Variants in SUPT6H observed in about 807,000 individuals in gnomAD.
SUPT6H encodes transcription elongation factor SPT6.
In SUPT6H, 11 loss-of-function variants were observed where a neutral mutation model predicts 222.3. The observed-to-expected ratio is 0.05, with a 90% confidence interval of 0.03 to 0.08. The LOEUF (loss-of-function observed/expected upper bound fraction) is 0.08. Among genes scored for constraint, SUPT6H ranks in the 10% least tolerant of loss-of-function variants. The pLI, the probability that SUPT6H is intolerant of heterozygous loss-of-function variation, is 1.00. For missense variants in SUPT6H, 1,422 were observed against 2,216.0 expected, an observed-to-expected ratio of 0.64 and a Z score of 7.19; for synonymous variants, 762 against 801.2, an observed-to-expected ratio of 0.95 and a Z score of 0.83.
At chr17:28,695,228 G>A in intron 28 of SUPT6H, 124 bp from the exon 29 acceptor site, 1 of 983,126 alleles carries the variant, frequency 1.0e-6, no homozygotes, top group Non-Finnish European at 1.5e-6. Context: ...CAGCTGGCTG[G>A]CTTTGGGCAA....
intron 28 of SUPT6H, 167 bp from the exon 29 acceptor site, chr17:28,695,185 G>C (rs192490504): frequency 2.5e-5 from 17 of 666,952 alleles, no homozygotes; most frequent in Non-Finnish European, 2.5e-6. Flanking sequence ...CTACAGACAA[G>C]ATTCCACCCC....
intron 10 of SUPT6H, 77 bp downstream of exon 10, chr17:28,678,711 C>G (rs375667299): frequency 6.2e-7 from 1 of 1,608,144 alleles, no homozygotes; most frequent in African/African-American, 1.3e-5. Flanking sequence ...CAAACCCAAA[C>G]CCCCCAGGCC....
chr17:28,680,018 AAGG>A (rs2031006802), intron 11 of SUPT6H, among the ~76,000 whole-genome samples: 1 of 145,210 alleles, frequency 6.9e-6, no homozygotes, highest in Non-Finnish European at 1.5e-5. Flanking sequence ...AAGAAAGAAA[AAGG>A]AGGCCAGGCG....
Position 28,702,137 on chromosome 17 carries a change from G to C in SUPT6H, c.*512G>C, listed in dbSNP as rs563163493. On this transcript the variant is annotated 3_prime_UTR_variant, in exon 37 of 37. Coordinates refer to ENST00000314616, the MANE Select transcript of SUPT6H (RefSeq NM_003170.5). ...TCCAAGCAGGATTGCAGGGGACACAGGGAAGCACTGCCCAGCCCCTGCCTG... is the reference window on the plus strand; with the variant it reads ...TCCAAGCAGGATTGCAGGGGACACACGGAAGCACTGCCCAGCCCCTGCCTG... 6.5e-6 allele frequency: 1 copy of C among 154,134 alleles called. No homozygotes were observed. Among genetic ancestry groups the C allele is most frequent in the South Asian group, 2.0e-4 (1 of 4,882 alleles). The allele number at this position is 154,134 out of a possible 1,614,324, so 9.5% of individuals were successfully genotyped here. A position where few individuals can be genotyped will look rare whatever the true frequency, so the allele number is the denominator to read the frequency against.
rs763042151 is a variant in SUPT6H at position 28,678,970 on chromosome 17, C to T, written c.1349+7C>T. On this transcript the variant is annotated splice_region_variant and intron_variant, in intron 11 of 36. Transcript: ENST00000314616. Reference sequence around the variant, plus strand: ...ACACCACTGACATGGAGAGGTAAAACATGCGGTGTTTATTCCATTATGGGA... The same window carrying T: ...ACACCACTGACATGGAGAGGTAAAATATGCGGTGTTTATTCCATTATGGGA... 3.1e-6 allele frequency: 5 copies of T among 1,614,042 alleles called. No homozygotes were observed. The East Asian group carries it at 6.7e-5, about 22-fold the overall frequency.
At position 28,690,986 on chromosome 17, in the gene SUPT6H, C is replaced by G; in HGVS notation, c.3556C>G (p.Gln1186Glu). 1 of 1,614,134 alleles carries G rather than the reference C, an allele frequency of 6.2e-7. No homozygotes were observed. Among genetic ancestry groups the G allele is most frequent in the Non-Finnish European group, 8.5e-7 (1 of 1,180,024 alleles). Reference sequence around the variant, plus strand: ...GCGTCCCCAGGGTGAGAGCTATGACCAGGCGATCCGCAATGATGAGACAGG... The same window carrying G: ...GCGTCCCCAGGGTGAGAGCTATGACGAGGCGATCCGCAATGATGAGACAGG... ...HRRPQGESYDQAIRNDETGLW... is the reference protein window; with the variant it reads ...HRRPQGESYDEAIRNDETGLW... The change falls in exon 27 of 37, where the codon CAG becomes GAG. Residue 1186 changes from glutamine (Q) to glutamate (E), a missense_variant. Transcript: ENST00000314616.
Position 28,683,442 on chromosome 17 carries a change from G to A in SUPT6H, c.2033+20G>A. 6.2e-7 allele frequency: 1 copy of A among 1,613,220 alleles called. No homozygotes were observed. The highest frequency in any genetic ancestry group is 1.1e-5 in the South Asian group (1 of 90,992). ...GGAAGGGTAAGCAGAGCCCTGGGCT[G>A]GCGACTCTCTGGGGAAGGCCTGATG... On this transcript the variant is annotated intron_variant, in intron 16 of 36. Coordinates refer to ENST00000314616, the MANE Select transcript of SUPT6H (RefSeq NM_003170.5).
Position 28,678,457 on chromosome 17 carries a change from G to C in SUPT6H, c.1117-88G>C, listed in dbSNP as rs1456005030. The C allele has an allele frequency of 2.7e-5, 36 of 1,321,898 alleles. No individual in the cohort carries two copies. In the Admixed American group the frequency reaches 6.2e-4, roughly 23 times the overall value. 81.9% of individuals were successfully genotyped at this position (1,321,898 alleles called of 1,614,324 possible). ...TCTGACTGTTGAATTTCCTGGAGCT[G>C]TTTCTCCAGGAAGTCATTATCTACT... On this transcript the variant is annotated intron_variant, in intron 9 of 36. Transcript: ENST00000314616.
At chr17:28,680,581 G>A (rs1055890891) in intron 11 of SUPT6H, among the ~76,000 whole-genome samples, 1 of 152,212 alleles carries the variant, frequency 6.6e-6, no homozygotes, top group Non-Finnish European at 1.5e-5. Flanking sequence ...GGTGACAAGA[G>A]CAAGACTCCA....
Position 28,687,072 on chromosome 17 carries a change from C to G in SUPT6H, c.2701-16C>G, listed in dbSNP as rs767639352. The G allele has an allele frequency of 8.1e-6, 13 of 1,611,292 alleles. No homozygotes were observed. In the East Asian group the frequency reaches 2.9e-4, roughly 36 times the overall value. On this transcript the variant is annotated splice_polypyrimidine_tract_variant and intron_variant, in intron 21 of 36. Coordinates refer to ENST00000314616, the MANE Select transcript of SUPT6H (RefSeq NM_003170.5). ...AAGGGGATTTTAAGGCCCTGCTGAC[C>G]CTCGTTTGACTCTAGGCAGAGTTCC...
intron 13 of SUPT6H, among the ~76,000 whole-genome samples, chr17:28,682,425 G>A (rs2031161425): frequency 6.6e-6 from 1 of 152,034 alleles, no homozygotes; most frequent in African/African-American, 2.4e-5. Flanking sequence ...AGGATTTGGA[G>A]GCCAGCCTGG....
intron 4 of SUPT6H, 63 bp from the exon 5 acceptor site, chr17:28,674,907 G>A (rs910759456): frequency 1.3e-6 from 2 of 1,553,924 alleles, no homozygotes; most frequent in African/African-American, 2.7e-5. Context: ...AGTGAGACTG[G>A]AGATTTGGTA....
At chr17:28,700,648 G>C in intron 35 of SUPT6H, 136 bp downstream of exon 35, 1 of 1,234,954 alleles carries the variant, frequency 8.1e-7, no homozygotes, top group African/African-American at 1.5e-5. Flanking sequence ...GATATTTCTT[G>C]TCCTTAGGCC....
Position 28,684,688 on chromosome 17 carries a change from G to A in SUPT6H, c.2332G>A (p.Gly778Ser), listed in dbSNP as rs923207383. The change falls in exon 18 of 37, where the codon GGC becomes AGC. Residue 778 changes from glycine to serine, a missense_variant. Physicochemically the swap from Gly to Ser is moderately conservative, Grantham distance 56. Coordinates refer to ENST00000314616, the MANE Select transcript of SUPT6H (RefSeq NM_003170.5). ...CTTTATGGACGAGAACCAAGGGAAG[G>A]GCATTCGAGTCCTCGGCATTGCTTT... is the stretch of plus-strand genomic sequence containing the variant. ...DDFMDENQGKGIRVLGIAFSS... is the reference protein window; with the variant it reads ...DDFMDENQGKSIRVLGIAFSS... 12 of 1,614,048 alleles carry A rather than the reference G, an allele frequency of 7.4e-6. No homozygotes were observed. In the Admixed American group the frequency reaches 1.7e-4, roughly 22 times the overall value.
At chr17:28,693,471 A>G (rs2031767581) in intron 27 of SUPT6H, among the ~76,000 whole-genome samples, 1 of 152,180 alleles carries the variant, frequency 6.6e-6, no homozygotes, top group Admixed American at 6.5e-5. Flanking sequence ...CAAAAAAAAG[A>G]AAAAGATTCA....
chr17:28,688,724 C>T lies in SUPT6H; in HGVS notation c.3134+506C>T, dbSNP rs1028771012. On this transcript the variant is annotated intron_variant, in intron 24 of 36. Coordinates refer to ENST00000314616, the MANE Select transcript of SUPT6H (RefSeq NM_003170.5). The surrounding 1 kb of genome is among the most constrained non-coding windows in gnomAD (Gnocchi z 4.3). ...CTCAGTCTTTGGAGGATCTTTTCCA[C>T]GGGCACATAGCTCCTCATTCAGTAA... The T allele has an allele frequency of 2.6e-5, 4 of 153,958 alleles. No homozygotes were observed. Among genetic ancestry groups the T allele is most frequent in the East Asian group, 1.9e-4 (1 of 5,212 alleles). The allele number at this position is 153,958 out of a possible 1,614,324, so 9.5% of individuals were successfully genotyped here. A position where few individuals can be genotyped will look rare whatever the true frequency, so the allele number is the denominator to read the frequency against.
intron 1 of SUPT6H, among the ~76,000 whole-genome samples, chr17:28,669,248 G>A (rs2030269981): frequency 6.6e-6 from 1 of 152,164 alleles, no homozygotes; most frequent in South Asian, 2.1e-4. Flanking sequence ...TGTCGGTGCA[G>A]TAGCACCATC....
Position 28,684,930 on chromosome 17 carries a change from C to G in SUPT6H, c.2456C>G (p.Thr819Ser). 6.2e-7 allele frequency: 1 copy of G among 1,614,168 alleles called. No individual in the cohort carries two copies. The highest frequency in any genetic ancestry group is 8.5e-7 in the Non-Finnish European group (1 of 1,180,028). Residue 819 changes from threonine (T) to serine (S), a missense_variant, in exon 19 of 37, where the codon ACT (threonine) becomes AGT (serine). By Grantham distance (58) the Thr-to-Ser change is moderately conservative. Coordinates refer to ENST00000314616, the MANE Select transcript of SUPT6H (RefSeq NM_003170.5). ...CTGCCCCATTTTACCAAACGGCGAA[C>G]TGCATGGAGAGAGGAAGAGCGGGAA... ...LRLPHFTKRR[T>S]AWREEEREKK...
chr17:28,698,111 C>G, intron 32 of SUPT6H, 81 bp downstream of exon 32: 1 of 1,496,082 alleles, frequency 6.7e-7, no homozygotes, highest in Non-Finnish European at 8.9e-7. Flanking sequence ...GAGCAGTGCC[C>G]TCTCTGGCTC....
Sources: allele counts gnomAD v4.1 joint callset (sites outside exome capture counted in the v4.1 genomes callset), GRCh38; gene constraint gnomAD v4.1.1; non-coding constraint Gnocchi (gnomAD v3.1); transcripts MANE v1.5; gene names NCBI Gene and HGNC (gene_info 2026-07-23, HGNC 2026-07-21).